ACOT11: variants seen among roughly 807,000 people sequenced by gnomAD.
The protein encoded by ACOT11 is acyl-coenzyme A thioesterase 11.
ACOT11 carries 69 observed loss-of-function variants against 77.5 expected under a neutral mutation model. The observed-to-expected ratio is 0.89, with a 90% CI of 0.73 to 1.09. The LOEUF is 1.09. Among genes scored for constraint, ACOT11 ranks in the 50% least tolerant of loss-of-function variants. The pLI is 0.00. For synonymous variants in ACOT11, 279 were observed against 313.0 expected, an observed-to-expected ratio of 0.89 and a Z score of 1.15; for missense variants, 766 against 813.7, an observed-to-expected ratio of 0.94 and a Z score of 0.71.
At chr1:54,623,604 C>G in intron 15 of ACOT11, 2 of 540,504 alleles carry the variant, frequency 3.7e-6, no homozygotes, top group Non-Finnish European at 3.3e-6. Context: ...TCCCCACACC[C>G]TCCCAGGATC....
intron 1 of ACOT11, among the ~76,000 whole-genome samples, chr1:54,563,122 G>A (rs532931096): frequency 5.3e-5 from 8 of 152,234 alleles, no homozygotes; most frequent in Admixed American, 4.6e-4. Flanking sequence ...CCCGGGCGGC[G>A]CTCGCTGGCG....
chr1:54,603,567 A>T (rs1643989711), intron 10 of ACOT11, among the ~76,000 whole-genome samples: 1 of 152,140 alleles, frequency 6.6e-6, no homozygotes, highest in African/African-American at 2.4e-5. Context: ...TTCACAGATG[A>T]GGACACAGCA....
chr1:54,582,511 C>T (rs1044756424), intron 1 of ACOT11: 15 of 985,262 alleles, frequency 1.5e-5, no homozygotes, highest in African/African-American at 1.7e-5. Context: ...GGTCCTGGCT[C>T]CCGTGGCATA....
At chr1:54,622,579 A>G (rs543326817) in intron 15 of ACOT11, among the ~76,000 whole-genome samples, 1 of 151,722 alleles carries the variant, frequency 6.6e-6, no homozygotes, top group Admixed American at 6.6e-5. Flanking sequence ...AAAAAAAAAA[A>G]CCACAAAAAA....
chr1:54,593,912 A>ATTCC (rs751512271), intron 4 of ACOT11, 29 bp from the exon 5 acceptor site: 64 of 1,599,208 alleles, frequency 4.0e-5, no homozygotes, highest in Non-Finnish European at 4.3e-6. Flanking sequence ...GTTGTTCCTC[A>ATTCC]TTCCTTCGCC....
intron 1 of ACOT11, among the ~76,000 whole-genome samples, chr1:54,574,684 G>A (rs1569685585): frequency 1.3e-5 from 2 of 152,086 alleles, no homozygotes; most frequent in South Asian, 4.1e-4. Flanking sequence ...TCCCCACCCC[G>A]CTCCCTGTAC....
exon 16 of ACOT11, chr1:54,630,829 C>A: frequency 3.9e-6 from 3 of 768,498 alleles, no homozygotes; most frequent in Non-Finnish European, 7.2e-6. Context: ...GCAGGAGCGA[C>A]GGTTGGAATG....
At chr1:54,623,360 G>A in intron 15 of ACOT11, 1 of 1,613,894 alleles carries the variant, frequency 6.2e-7, no homozygotes, top group Non-Finnish European at 8.5e-7. Context: ...ACACCCACTT[G>A]ACCTGATTCT....
chr1:54,585,777 G>A, intron 2 of ACOT11, 58 bp from the exon 3 acceptor site: 1 of 1,587,010 alleles, frequency 6.3e-7, no homozygotes, highest in Non-Finnish European at 8.6e-7. Context: ...TGCCATCTGA[G>A]CAGAGGCCTG....
At chr1:54,608,878 T>C (rs1411174592) in intron 15 of ACOT11, 79 bp from the exon 16 acceptor site, 5 of 1,421,378 alleles carry the variant, frequency 3.5e-6, no homozygotes, top group Non-Finnish European at 4.9e-6. Flanking sequence ...ACCACCAGCC[T>C]CGTGCCCACT....
intron 1 of ACOT11, among the ~76,000 whole-genome samples, chr1:54,566,587 C>T (rs1322132171): frequency 6.6e-6 from 1 of 152,038 alleles, no homozygotes; most frequent in South Asian, 2.1e-4. Flanking sequence ...CAACTGGTTT[C>T]TATCATCTTG....
At chr1:54,591,441 C>T (rs888992717) in intron 3 of ACOT11, among the ~76,000 whole-genome samples, 32 of 152,226 alleles carry the variant, frequency 2.1e-4, no homozygotes, top group African/African-American at 5.1e-4. Flanking sequence ...ACTGTGTTCA[C>T]GGTGGCCCCT....
intron 2 of ACOT11, among the ~76,000 whole-genome samples, chr1:54,585,490 G>A (rs1015617666): frequency 6.6e-6 from 1 of 152,180 alleles, no homozygotes; most frequent in African/African-American, 2.4e-5. Flanking sequence ...GGCCAGTGTG[G>A]TGTGATCACT....
intron 1 of ACOT11, among the ~76,000 whole-genome samples, chr1:54,556,438 C>T (rs1653260353): frequency 6.6e-6 from 1 of 152,114 alleles, no homozygotes; most frequent in East Asian, 1.9e-4. Flanking sequence ...ATGTCATTGG[C>T]ACTTTGATAG....
chr1:54,631,893 A>G (rs572626969), intron 16 of ACOT11, among the ~76,000 whole-genome samples: 14 of 152,314 alleles, frequency 9.2e-5, no homozygotes, highest in African/African-American at 3.1e-4. Flanking sequence ...TCAGAGGGAA[A>G]GCACATTTAG....
At chr1:54,636,483 A>G (rs1644331125) in exon 17 of ACOT11, 1 of 152,278 alleles carries the variant, frequency 6.6e-6, no homozygotes, top group Non-Finnish European at 1.5e-5. Flanking sequence ...TCATACCTAC[A>G]GCCCTAAGGC....
intron 15 of ACOT11, chr1:54,623,132 G>A (rs965446470): frequency 6.8e-6 from 4 of 590,866 alleles, no homozygotes; most frequent in Non-Finnish European, 1.2e-5. Context: ...GCCGAGAATC[G>A]TGCCATTGTA....
At chr1:54,575,626 C>G (rs1325376989) in intron 1 of ACOT11, among the ~76,000 whole-genome samples, 1 of 152,142 alleles carries the variant, frequency 6.6e-6, no homozygotes, top group African/African-American at 2.4e-5. Flanking sequence ...CCCTCTGGGC[C>G]CTGGAGATAC....
chr1:54,609,763 G>A lies in ACOT11; in HGVS notation c.*651G>A. 6.2e-7 allele frequency: 1 copy of A among 1,614,188 alleles called. No individual in the cohort carries two copies. The highest frequency in any genetic ancestry group is 8.5e-7 in the Non-Finnish European group (1 of 1,180,030). On this transcript the variant is annotated 3_prime_UTR_variant, in exon 16 of 16. Transcript: ENST00000343744. ...GTGCCAGCAAGGCCAGGGATGGCCG[G>A]AGGGCTGCGGGCTCCGCTATTTGCA...
Sources: gnomAD v4.1 joint callset for allele counts (sites outside exome capture counted in the v4.1 genomes callset) on GRCh38, gnomAD v4.1.1 for gene constraint, MANE v1.5 for transcripts, NCBI Gene and HGNC (gene_info 2026-07-23, HGNC 2026-07-21) for gene names.